Variants in ARMH1 observed in about 807,000 individuals in gnomAD.
ARMH1 encodes the protein armadillo like helical domain containing 1, also known as armadillo-like helical domain containing protein 1.
ARMH1 carries 34 observed loss-of-function variants against 50.2 expected under a neutral mutation model. That is an observed-to-expected ratio of 0.68 (90% CI 0.51 to 0.90). The LOEUF (loss-of-function observed/expected upper bound fraction) is 0.90, where lower values mean the gene tolerates loss of function less well. ARMH1 is among the 40% of genes least tolerant of loss of function. The pLI, the probability that ARMH1 is intolerant of heterozygous loss-of-function variation, is 0.00. For missense variants in ARMH1, 538 were observed against 553.9 expected (o/e 0.97, Z 0.29); for synonymous variants, 221 against 224.2 (o/e 0.99, Z 0.13).
At chr1:44,678,430 A>C (rs528134295) in intron 1 of ARMH1, among the ~76,000 whole-genome samples, 22 of 152,190 alleles carry the variant, frequency 1.4e-4, no homozygotes, top group African/African-American at 5.1e-4. Flanking sequence ...GGAGTCTACC[A>C]GGAAGTGATG....
rs763933805 is a variant in ARMH1, at chr1:44,701,069, G to C, written c.589G>C (p.Glu197Gln). ...AGGTCTAATAGCTTTGCTGCCCTGC[G>C]AGTCCCCAAAAGCCCAGCAGCTGTC... ...YKGLIALLPCESPKAQQLSLQ... is the reference protein window; with the variant it reads ...YKGLIALLPCQSPKAQQLSLQ... The change falls in exon 5 of 12, where the codon GAG becomes CAG. Residue 197 changes from glutamate (E) to glutamine (Q), a missense_variant. By Grantham distance (29) the Glu-to-Gln change is conservative. Transcript: ENST00000535358. The C allele has an allele frequency of 5.2e-6, 8 of 1,551,588 alleles. No homozygotes were observed. Among genetic ancestry groups the C allele is most frequent in the Non-Finnish European group, 7.0e-6 (8 of 1,147,006 alleles).
chr1:44,701,178 C>A (rs1244646174), intron 5 of ARMH1, 59 bp downstream of exon 5: 1 of 1,446,070 alleles, frequency 6.9e-7, no homozygotes, highest in Non-Finnish European at 9.2e-7. Flanking sequence ...CTTACAATTA[C>A]CTTCCGCAGT....
chr1:44,701,074 C>A lies in ARMH1; in HGVS notation c.594C>A (p.Ser198=). The part of the protein sequence containing the change: ...KGLIALLPCE[S]PKAQQLSLQT... ...TAATAGCTTTGCTGCCCTGCGAGTC[C>A]CCAAAAGCCCAGCAGCTGTCCCTGC... is the stretch of plus-strand genomic sequence containing the variant. The change falls in exon 5 of 12, where the codon TCC becomes TCA. Residue 198 remains serine, a synonymous_variant. Coordinates refer to ENST00000535358, the MANE Select transcript of ARMH1 (RefSeq NM_001145636.2). The A allele has an allele frequency of 6.4e-7, 1 of 1,551,668 alleles. No homozygotes were observed. The highest frequency in any genetic ancestry group is 8.7e-7 in the Non-Finnish European group (1 of 1,146,970).
chr1:44,700,833 G>T, intron 4 of ARMH1, 90 bp from the exon 5 acceptor site: 1 of 1,197,084 alleles, frequency 8.4e-7, no homozygotes, highest in Non-Finnish European at 1.2e-6. Flanking sequence ...TGGTTGAAGA[G>T]CTTTTAATCC....
rs1374947689 is a variant in ARMH1 at position 44,725,201 on chromosome 1, A to G, written c.1194A>G (p.Thr398=). The change falls in exon 11 of 12, where the codon ACA becomes ACG. Residue 398 remains threonine, a synonymous_variant. Transcript: ENST00000535358. The part of the protein sequence containing the change: ...SIQADILAAN[T]VNVTKALCLH... ...AGGCGGACATCTTGGCGGCCAACACAGTCAATGTTACCAAAGGTGAGTGTG... is the reference window on the plus strand; with the variant it reads ...AGGCGGACATCTTGGCGGCCAACACGGTCAATGTTACCAAAGGTGAGTGTG... The G allele has an allele frequency of 1.5e-5, 23 of 1,551,856 alleles. No homozygotes were observed. Among genetic ancestry groups the G allele is most frequent in the Non-Finnish European group, 1.9e-5 (22 of 1,147,040 alleles).
chr1:44,698,227 A>C lies in ARMH1; in HGVS notation c.440A>C (p.Tyr147Ser), dbSNP rs1457734772. 8.4e-6 allele frequency: 13 copies of C among 1,551,584 alleles called. No individual in the cohort carries two copies. The highest frequency in any genetic ancestry group is 1.1e-5 in the Non-Finnish European group (13 of 1,146,654). The change falls in exon 4 of 12, where the codon TAT becomes TCT. Residue 147 changes from tyrosine (Y) to serine (S), a missense_variant and splice_region_variant. Tyr to Ser is a moderately radical substitution (Grantham distance 144, BLOSUM62 -2). Coordinates refer to ENST00000535358, the MANE Select transcript of ARMH1 (RefSeq NM_001145636.2). ...RTYKELICES[Y>S]GVRSIAEFLA... ...TACAAGGAACTCATTTGTGAAAGCTATGGTGGGTACTGTGTGTGACAAGAT... is the reference window on the plus strand; with the variant it reads ...TACAAGGAACTCATTTGTGAAAGCTCTGGTGGGTACTGTGTGTGACAAGAT...
chr1:44,698,024 A>C (rs1238445756), intron 3 of ARMH1, 39 bp from the exon 4 acceptor site: 22 of 1,486,174 alleles, frequency 1.5e-5, no homozygotes, highest in Non-Finnish European at 2.0e-5. Context: ...AAGGAACTTG[A>C]CAAGAGTTTT....
intron 2 of ARMH1, among the ~76,000 whole-genome samples, chr1:44,694,954 G>T (rs1388152783): frequency 1.3e-5 from 2 of 152,180 alleles, no homozygotes; most frequent in Admixed American, 6.5e-5. Flanking sequence ...AAAAGGTTGA[G>T]TAATTTACTA....
At chr1:44,717,577 C>G (rs1208822337) in intron 6 of ARMH1, among the ~76,000 whole-genome samples, 1 of 152,200 alleles carries the variant, frequency 6.6e-6, no homozygotes, top group Admixed American at 6.5e-5. Context: ...CTCATAAATG[C>G]CAGTTTCCCT....
At position 44,681,807 on chromosome 1, in the gene ARMH1, C is replaced by T. The variant is rs1304786904; in HGVS notation, c.-23+6934C>T. Among the ~76,000 whole-genome samples, 2 of 152,126 alleles carry T rather than the reference C, an allele frequency of 1.3e-5. No homozygotes were observed. Among genetic ancestry groups the T allele is most frequent in the Non-Finnish European group, 2.9e-5 (2 of 68,028 alleles). On this transcript the variant is annotated intron_variant, in intron 1 of 11. Transcript: ENST00000535358. This position sits in a 1 kb window ranked among gnomAD's most constrained non-coding sequence, Gnocchi z 4.3. Reference sequence around the variant, plus strand: ...AAGGTAAGGAGCTTGGAATTGTAGACTTCATAGGTGGGATGGTGCTAGCCA... The same window carrying T: ...AAGGTAAGGAGCTTGGAATTGTAGATTTCATAGGTGGGATGGTGCTAGCCA...
At chr1:44,725,050 C>A (rs985979906) in intron 10 of ARMH1, 86 bp from the exon 11 acceptor site, 14 of 1,539,052 alleles carry the variant, frequency 9.1e-6, no homozygotes, top group Middle Eastern at 1.7e-4. Flanking sequence ...ACCCGCCCCC[C>A]ACCTGCAACA....
At chr1:44,701,145 G>C (rs1313616517) in intron 5 of ARMH1, 26 bp downstream of exon 5, 2 of 1,519,478 alleles carry the variant, frequency 1.3e-6, no homozygotes, top group African/African-American at 2.8e-5. Context: ...ATGCTCCTGT[G>C]GTTCTGATTC....
rs998428723 is a variant in ARMH1, at chr1:44,690,142, C to T, written c.206+239C>T. ...CTGAGGCAGGAGAATCACTTGAACC[C>T]GGGAGGCAGAGGTTGCAGTGAGCCG... On this transcript the variant is annotated intron_variant, in intron 2 of 11. Coordinates refer to ENST00000535358, the MANE Select transcript of ARMH1 (RefSeq NM_001145636.2). Among the ~76,000 whole-genome samples, 12 of 152,008 alleles carry T rather than the reference C, an allele frequency of 7.9e-5. No homozygotes were observed. In the East Asian group the frequency reaches 9.7e-4, roughly 12 times the overall value.
chr1:44,709,483 T>A (rs144406908), intron 6 of ARMH1, among the ~76,000 whole-genome samples: 5 of 152,064 alleles, frequency 3.3e-5, no homozygotes, highest in Admixed American at 6.6e-5. Flanking sequence ...CCATCCTGGC[T>A]AACACGGTGA....
chr1:44,713,728 A>G (rs936221253), intron 6 of ARMH1, among the ~76,000 whole-genome samples: 5 of 152,056 alleles, frequency 3.3e-5, no homozygotes, highest in African/African-American at 1.2e-4. Context: ...CTTGCCTTAT[A>G]CTGCGTCCTT....
chr1:44,675,722 G>A (rs1038312842), intron 1 of ARMH1, among the ~76,000 whole-genome samples: 3 of 152,078 alleles, frequency 2.0e-5, no homozygotes, highest in African/African-American at 2.4e-5. Context: ...CACTTTGGGA[G>A]GCTGAGGCGG....
At chr1:44,689,967 C>T (rs1195678405) in intron 2 of ARMH1, 64 bp downstream of exon 2, 6 of 1,455,938 alleles carry the variant, frequency 4.1e-6, no homozygotes, top group Non-Finnish European at 1.9e-6. Flanking sequence ...CGCCTGTAAT[C>T]CCAGCACTTT....
chr1:44,709,112 C>G (rs1252787367), intron 6 of ARMH1, among the ~76,000 whole-genome samples: 1 of 152,148 alleles, frequency 6.6e-6, no homozygotes, highest in African/African-American at 2.4e-5. Flanking sequence ...TTCCTTCCTA[C>G]TTGACCTCCC....
chr1:44,699,208 C>G (rs369854743), intron 4 of ARMH1, among the ~76,000 whole-genome samples: 2 of 145,758 alleles, frequency 1.4e-5, no homozygotes, highest in South Asian at 2.2e-4. Flanking sequence ...CGCTTGAACC[C>G]GGGAGGTGGA....
Sources: allele counts gnomAD v4.1 joint callset (sites outside exome capture counted in the v4.1 genomes callset), GRCh38; gene constraint gnomAD v4.1.1; non-coding constraint Gnocchi (gnomAD v3.1); transcripts MANE v1.5; gene names NCBI Gene and HGNC (gene_info 2026-07-23, HGNC 2026-07-21).